Variants in ARHGAP21 observed in about 807,000 individuals in gnomAD.
ARHGAP21 encodes the protein Rho GTPase activating protein 21.
Under a neutral mutation model 164.6 loss-of-function variants are expected in ARHGAP21, and 38 were observed. That is an observed-to-expected ratio of 0.23 (90% CI 0.18 to 0.30). The LOEUF is 0.30. ARHGAP21 is among the 10% of genes least tolerant of loss of function. The pLI, the probability that ARHGAP21 is intolerant of heterozygous loss-of-function variation, is 1.00. For synonymous variants in ARHGAP21, 766 were observed against 857.9 expected (o/e 0.89, Z 1.87); for missense variants, 1,822 against 2,370.7 (o/e 0.77, Z 4.81).
intron 13 of ARHGAP21, among the ~76,000 whole-genome samples, chr10:24,601,510 A>C (rs2130906762): frequency 6.6e-6 from 1 of 152,300 alleles, no homozygotes; most frequent in South Asian, 2.1e-4. Flanking sequence ...TTCTGTTGAA[A>C]TCTACTGGAT....
chr10:24,591,019 C>G lies in ARHGAP21; in HGVS notation c.4150+206G>C, dbSNP rs1024029474. 3 of 679,844 alleles carry G rather than the reference C, an allele frequency of 4.4e-6. No individual in the cohort carries two copies. In the African/African-American group the frequency reaches 5.9e-5, roughly 13 times the overall value. 42.1% of individuals were successfully genotyped at this position (679,844 alleles called of 1,614,324 possible). A position where few individuals can be genotyped will look rare whatever the true frequency, so the allele number is the denominator to read the frequency against. On this transcript the variant is annotated intron_variant, in intron 24 of 25. Coordinates refer to ENST00000396432, the MANE Select transcript of ARHGAP21 (RefSeq NM_020824.4). The stretch of plus-strand genomic sequence containing the variant: ...CATAGTTCCATTCTGACAAACATTA[C>G]AACTGCATGCACTGCCAATGGCATT...
At position 24,622,433 on chromosome 10, in the gene ARHGAP21, C is replaced by CATATATAT. The variant is rs10530408; in HGVS notation, c.525+292_525+299dup. Among the ~76,000 whole-genome samples, 128 of 89,726 alleles carry CATATATAT rather than the reference C, an allele frequency of 1.4e-3. 2 individuals carry two copies. The highest frequency in any genetic ancestry group is 2.3e-3 in the Non-Finnish European group (102 of 44,886). The allele number at this position is 89,726 out of a possible 152,430, so 58.9% of individuals were successfully genotyped here. A position where few individuals can be genotyped will look rare whatever the true frequency, so the allele number is the denominator to read the frequency against. ...GGAAGAGGGTGAGATACTTAAAAAA[C>CATATATAT]ATATATATATATATATATATATATA... On this transcript the variant is annotated intron_variant, in intron 8 of 25. Transcript: ENST00000396432.
At chr10:24,613,021 T>C (rs115885904) in intron 9 of ARHGAP21, among the ~76,000 whole-genome samples, 2,395 of 152,204 alleles carry the variant, frequency 0.016, 62 homozygotes, top group African/African-American at 0.055. Flanking sequence ...AGTAATAATG[T>C]ATTAATCTTT....
chr10:24,651,908 G>T lies in ARHGAP21; in HGVS notation c.268+15077C>A, dbSNP rs1183647670. Among the ~76,000 whole-genome samples the T allele has an allele frequency of 2.0e-5, 3 of 152,168 alleles. No homozygotes were observed. In the East Asian group the frequency reaches 5.8e-4, roughly 29 times the overall value. ...ATAGAAACTGAAAATTTGATTCTAA[G>T]AAGACATTCTACCCAATAGCAGCAC... On this transcript the variant is annotated intron_variant, in intron 4 of 25. Coordinates refer to ENST00000396432, the MANE Select transcript of ARHGAP21 (RefSeq NM_020824.4).
At chr10:24,633,883 CTTTT>C (rs3073324) in intron 5 of ARHGAP21, among the ~76,000 whole-genome samples, 14 of 75,456 alleles carry the variant, frequency 1.9e-4, no homozygotes, top group African/African-American at 2.5e-4. Context: ...CTTTTTTTCT[CTTTT>C]TTTTTTTTTT....
intron 7 of ARHGAP21, chr10:24,628,974 A>AC (rs1835532760): frequency 1.3e-4 from 2 of 15,566 alleles, no homozygotes; most frequent in Non-Finnish European, 2.1e-4. Context: ...ATATATATAT[A>AC]TATATATATT....
chr10:24,671,928 C>T (rs944045440), intron 2 of ARHGAP21, among the ~76,000 whole-genome samples: 5 of 119,436 alleles, frequency 4.2e-5, no homozygotes, highest in African/African-American at 1.6e-4. Context: ...CAAGGTCTCA[C>T]TATGTTGCTC....
intron 2 of ARHGAP21, among the ~76,000 whole-genome samples, chr10:24,700,508 T>G (rs979152686): frequency 6.6e-6 from 1 of 152,190 alleles, no homozygotes; most frequent in Non-Finnish European, 1.5e-5. Context: ...ATAATAAGAA[T>G]TAAAGATGGT....
At chr10:24,653,148 C>T (rs959241043) in intron 4 of ARHGAP21, among the ~76,000 whole-genome samples, 2 of 152,202 alleles carry the variant, frequency 1.3e-5, no homozygotes, top group African/African-American at 4.8e-5. Flanking sequence ...ACTGCATACA[C>T]CCATGTAACC....
intron 4 of ARHGAP21, chr10:24,648,780 A>C: frequency 5.2e-6 from 1 of 190,680 alleles, no homozygotes; most frequent in Non-Finnish European, 6.2e-6. Flanking sequence ...ACTCTGTCTC[A>C]AAAAAAAAAA....
Position 24,584,745 on chromosome 10 carries a change from G to A in ARHGAP21, c.5544C>T (p.Ser1848=). 6.2e-7 allele frequency: 1 copy of A among 1,613,992 alleles called. No individual in the cohort carries two copies. The highest frequency in any genetic ancestry group is 8.5e-7 in the Non-Finnish European group (1 of 1,179,868). Residue 1848 remains serine, a synonymous_variant, in exon 26 of 26, where the codon TCC becomes TCT. Transcript: ENST00000396432. ...GTTCCCTGGCCAGCCAGTCTGAGAT[G>A]GAAAGGTCCTGGGCTGAGCATTTTG... The part of the protein sequence containing the change: ...LKPKCSAQDL[S]ISDWLARERL...
At chr10:24,688,092 A>G (rs1842384863) in intron 2 of ARHGAP21, among the ~76,000 whole-genome samples, 1 of 152,248 alleles carries the variant, frequency 6.6e-6, no homozygotes, top group South Asian at 2.1e-4. Flanking sequence ...GTCAGAGATA[A>G]CAGAATTCAA....
chr10:24,593,591 G>GAAAGATATTCCATAAAATACA (rs1554962245), intron 21 of ARHGAP21, among the ~76,000 whole-genome samples: 3 of 50,730 alleles, frequency 5.9e-5, no homozygotes, highest in African/African-American at 1.6e-4. Flanking sequence ...TATTTTTCTT[G>GAAAGATATTCCATAAAATACA]AAAGATATTC....
chr10:24,635,645 C>T (rs1193902726), intron 4 of ARHGAP21, among the ~76,000 whole-genome samples: 4 of 152,150 alleles, frequency 2.6e-5, no homozygotes, highest in Non-Finnish European at 4.4e-5. Flanking sequence ...ATCCCGGGTT[C>T]GAGTGATTCT....
chr10:24,669,902 C>T (rs1309519913), intron 3 of ARHGAP21, among the ~76,000 whole-genome samples: 2 of 152,132 alleles, frequency 1.3e-5, no homozygotes, highest in Non-Finnish European at 2.9e-5. Flanking sequence ...GCCCAGAAAA[C>T]TCACTACCTT....
chr10:24,654,650 C>A (rs1168915579), intron 4 of ARHGAP21, among the ~76,000 whole-genome samples: 1 of 152,202 alleles, frequency 6.6e-6, no homozygotes, highest in Non-Finnish European at 1.5e-5. Context: ...ACATTCCATG[C>A]TCTTGGATAG....
intron 14 of ARHGAP21, among the ~76,000 whole-genome samples, chr10:24,600,132 CAAAAA>C (rs56180973): frequency 3.2e-5 from 3 of 94,860 alleles, no homozygotes; most frequent in African/African-American, 4.2e-5. Context: ...GACTTCGTTT[CAAAAA>C]AAAAAAAAAA....
intron 2 of ARHGAP21, among the ~76,000 whole-genome samples, chr10:24,709,602 T>G (rs1211569014): frequency 6.6e-6 from 1 of 151,868 alleles, no homozygotes; most frequent in African/African-American, 2.4e-5. Flanking sequence ...TAGCCAGGTG[T>G]GATGGTGCAT....
At chr10:24,596,525 C>A in intron 17 of ARHGAP21, 1 of 625,012 alleles carries the variant, frequency 1.6e-6, no homozygotes, top group East Asian at 3.1e-5. Context: ...CCATTTCAGA[C>A]AAATTCCTAA....
Sources: gnomAD v4.1 joint callset for allele counts (sites outside exome capture counted in the v4.1 genomes callset) on GRCh38, gnomAD v4.1.1 for gene constraint, MANE v1.5 for transcripts, NCBI Gene and HGNC (gene_info 2026-07-23, HGNC 2026-07-21) for gene names.